Variants in IGSF9 observed in about 807,000 individuals in gnomAD.
IGSF9 encodes the protein immunoglobulin superfamily member 9, also known as protein turtle homolog A.
A neutral mutation model predicts 121.7 loss-of-function variants in IGSF9; 87 were observed. That is an observed-to-expected ratio of 0.71 (90% CI 0.60 to 0.85). IGSF9 has a LOEUF of 0.85. IGSF9 is among the 40% of genes least tolerant of loss of function. The pLI is 0.00. For missense variants in IGSF9, 1,462 were observed against 1,565.3 expected, an observed-to-expected ratio of 0.93 and a Z score of 1.11; for synonymous variants, 640 against 648.4, an observed-to-expected ratio of 0.99 and a Z score of 0.20.
rs1256172489 is a variant in IGSF9 at position 159,928,809 on chromosome 1, G to A, written c.2579C>T (p.Ala860Val). The A allele has an allele frequency of 3.3e-6, 5 of 1,498,166 alleles. No individual in the cohort carries two copies. Among genetic ancestry groups the A allele is most frequent in the Middle Eastern group, 3.5e-4 (2 of 5,654 alleles). The allele number at this position is 1,498,166 out of a possible 1,614,324, so 92.8% of individuals were successfully genotyped here. A position where few individuals can be genotyped will look rare whatever the true frequency, so the allele number is the denominator to read the frequency against. Residue 860 changes from alanine to valine, a missense_variant, in exon 19 of 21, where the codon GCG (alanine) becomes GTG (valine). This residue lies in a region of IGSF9 where 808 missense variants were observed against 815.2 expected (regional missense o/e 0.99). Transcript: ENST00000368094. ...DGRFVMGPTVAAPQERSGREQ... is the reference protein window; with the variant it reads ...DGRFVMGPTVVAPQERSGREQ... ...CCGGCCTGACCTTTCCTGGGGGGCC[G>A]CCACAGTGGGCCCCATCACAAAGCG...
At chr1:159,937,183 G>T (rs1290697887) in intron 4 of IGSF9, among the ~76,000 whole-genome samples, 2 of 152,208 alleles carry the variant, frequency 1.3e-5, no homozygotes, top group Non-Finnish European at 2.9e-5. Context: ...CACTGTTCTG[G>T]GAGTGAGGAG....
intron 6 of IGSF9, 107 bp downstream of exon 6, chr1:159,936,292 C>T (rs1651181474): frequency 1.0e-6 from 1 of 987,226 alleles, no homozygotes; most frequent in Non-Finnish European, 1.6e-6. Context: ...CGGGCCCTGC[C>T]CTCAGGCACA....
In IGSF9 at chr1:159,932,494, G is replaced by C; in HGVS notation, c.1245+18C>G. The C allele has an allele frequency of 7.3e-7, 1 of 1,366,832 alleles. No individual in the cohort carries two copies. The allele number at this position is 1,366,832 out of a possible 1,614,324, so 84.7% of individuals were successfully genotyped here. On this transcript the variant is annotated intron_variant, in intron 10 of 20. Coordinates refer to ENST00000368094, the MANE Select transcript of IGSF9 (RefSeq NM_001135050.2). The surrounding 1 kb of genome is among the most constrained non-coding windows in gnomAD (Gnocchi z 4.1). Reference sequence around the variant, plus strand: ...TGACCCACTGTCACCACAGGCCCCCGCCCACCCCCGGCCTAACCTTGAGCA... The same window carrying C: ...TGACCCACTGTCACCACAGGCCCCCCCCCACCCCCGGCCTAACCTTGAGCA...
In IGSF9 at chr1:159,928,777, C is replaced by A; in HGVS notation, c.2611G>T (p.Ala871Ser). 1 of 1,476,904 alleles carries A rather than the reference C, an allele frequency of 6.8e-7. No homozygotes were observed. The highest frequency in any genetic ancestry group is 1.4e-5 in the South Asian group (1 of 72,000). The allele number at this position is 1,476,904 out of a possible 1,614,324, so 91.5% of individuals were successfully genotyped here. A position where few individuals can be genotyped will look rare whatever the true frequency, so the allele number is the denominator to read the frequency against. ...APQERSGREQAEPRTPAQRLA... is the reference protein window; with the variant it reads ...APQERSGREQSEPRTPAQRLA... The stretch of plus-strand genomic sequence containing the variant: ...CGCTGGGCTGGAGTCCGAGGTTCTG[C>A]CTGCTCCCGGCCTGACCTTTCCTGG... The change falls in exon 19 of 21, where the codon GCA (alanine) becomes TCA (serine). Residue 871 changes from alanine to serine, a missense_variant. Physicochemically the swap from Ala to Ser is moderately conservative, Grantham distance 99 (BLOSUM62 1). Coordinates refer to ENST00000368094, the MANE Select transcript of IGSF9 (RefSeq NM_001135050.2).
At chr1:159,929,292 A>T (rs1650882731) in intron 18 of IGSF9, 59 bp downstream of exon 18, 2 of 1,572,214 alleles carry the variant, frequency 1.3e-6, no homozygotes, top group Non-Finnish European at 1.8e-6. Flanking sequence ...AAGGAAGCAG[A>T]AGATACTGGC....
chr1:159,929,270 A>G, intron 18 of IGSF9, 81 bp downstream of exon 18: 1 of 1,511,044 alleles, frequency 6.6e-7, no homozygotes, highest in Non-Finnish European at 9.2e-7. Context: ...TCCCCCTGGT[A>G]AAGATGCAAA....
In IGSF9 at chr1:159,931,845, T is replaced by C; in HGVS notation, c.1329A>G (p.Gln443=). ...GRELLIPCSA[Q]GDPPPVVSWT... ...AAGAGACAACAGGAGGAGGGTCCCC[T>C]TGGGCGGAGCAGGGGATGAGCAGCT... Residue 443 remains glutamine (Q), a synonymous_variant, in exon 11 of 21, where the codon CAA becomes CAG. Coordinates refer to ENST00000368094, the MANE Select transcript of IGSF9 (RefSeq NM_001135050.2). The surrounding 1 kb of genome is among the most constrained non-coding windows in gnomAD (Gnocchi z 4.8). The C allele has an allele frequency of 1.3e-6, 2 of 1,593,542 alleles. No homozygotes were observed. The highest frequency in any genetic ancestry group is 1.7e-6 in the Non-Finnish European group (2 of 1,172,246).
intron 2 of IGSF9, 80 bp from the exon 3 acceptor site, chr1:159,943,231 G>A: frequency 1.5e-6 from 2 of 1,367,066 alleles, no homozygotes; most frequent in Non-Finnish European, 9.9e-7. Flanking sequence ...TATCTCTGTA[G>A]GCACCTTAGG....
Position 159,932,207 on chromosome 1 carries a change from C to T in IGSF9, c.1246-279G>A. The T allele has an allele frequency of 1.7e-6, 1 of 573,464 alleles. No individual in the cohort carries two copies. Among genetic ancestry groups the T allele is most frequent in the East Asian group, 3.0e-5 (1 of 33,810 alleles). The allele number at this position is 573,464 out of a possible 1,614,324, so 35.5% of individuals were successfully genotyped here. A position where few individuals can be genotyped will look rare whatever the true frequency, so the allele number is the denominator to read the frequency against. ...ACTCTCAGAGATGTACAAACCTCTG[C>T]AGAACATTCTTCCTCCCAGAGCCCC... On this transcript the variant is annotated intron_variant, in intron 10 of 20. Coordinates refer to ENST00000368094, the MANE Select transcript of IGSF9 (RefSeq NM_001135050.2). The surrounding 1 kb of genome is among the most constrained non-coding windows in gnomAD (Gnocchi z 4.1).
In IGSF9 at chr1:159,936,740, C is replaced by G. The variant is rs747034208; in HGVS notation, c.555+14G>C. 1.2e-6 allele frequency: 2 copies of G among 1,613,574 alleles called. No homozygotes were observed. Among genetic ancestry groups the G allele is most frequent in the Non-Finnish European group, 1.7e-6 (2 of 1,179,746 alleles). On this transcript the variant is annotated intron_variant, in intron 5 of 20. Transcript: ENST00000368094. ...CACTCTATATGGCTCACTCTGTCCA[C>G]CCCCAGGACTCACTTGCACCTGGCC...
At position 159,931,348 on chromosome 1, in the gene IGSF9, C is replaced by T. The variant is rs976438312; in HGVS notation, c.1514-87G>A. The T allele has an allele frequency of 2.1e-5, 34 of 1,599,444 alleles. No homozygotes were observed. Among genetic ancestry groups the T allele is most frequent in the Non-Finnish European group, 2.7e-5 (32 of 1,170,600 alleles). ...GGCCCCAGGGCCACTGACCTTCACC[C>T]ATCATCATCCCAGGGGTCCCACACC... On this transcript the variant is annotated intron_variant, in intron 12 of 20. Coordinates refer to ENST00000368094, the MANE Select transcript of IGSF9 (RefSeq NM_001135050.2). This position sits in a 1 kb window ranked among gnomAD's most constrained non-coding sequence, Gnocchi z 4.8.
rs142685021 is a variant in IGSF9 at position 159,937,633 on chromosome 1, C to A, written c.400+53G>T. ...CCCCTTTCTCCCACCAGCCAGAGAT[C>A]CCCATCCTCCTCCTCCCCGTCCTTC... On this transcript the variant is annotated intron_variant, in intron 4 of 20. Coordinates refer to ENST00000368094, the MANE Select transcript of IGSF9 (RefSeq NM_001135050.2). 2.1e-5 allele frequency: 33 copies of A among 1,582,364 alleles called. No individual in the cohort carries two copies. In the African/African-American group the frequency reaches 4.2e-4, roughly 20 times the overall value.
chr1:159,927,851 G>A lies in IGSF9; in HGVS notation c.3267C>T (p.Asp1089=). The A allele has an allele frequency of 6.2e-7, 1 of 1,612,806 alleles. No homozygotes were observed. The highest frequency in any genetic ancestry group is 8.5e-7 in the Non-Finnish European group (1 of 1,179,722). The change falls in exon 20 of 21, where the codon GAC becomes GAT. Residue 1089 remains aspartate, a synonymous_variant. Coordinates refer to ENST00000368094, the MANE Select transcript of IGSF9 (RefSeq NM_001135050.2). ...NTSVDENYEW[D]SEFPGDMELL... ...ATTCCATGTCCCCAGGGAATTCTGA[G>A]TCCCACTCATAGTTCTCGTCCACAG...
chr1:159,930,828 G>A lies in IGSF9; in HGVS notation c.1677C>T (p.Ser559=), dbSNP rs765797057. 1.9e-6 allele frequency: 3 copies of A among 1,613,104 alleles called. No individual in the cohort carries two copies. The highest frequency in any genetic ancestry group is 1.1e-5 in the South Asian group (1 of 90,990). ...RPDRMHHDWV[S]LAVPVGAAHL... ...GAGCAGCCCCCACAGGCACTGCCAA[G>A]GACACCCAGTCATGGTGCATTCGGT... is the stretch of plus-strand genomic sequence containing the variant. Residue 559 remains serine, a synonymous_variant, in exon 14 of 21, where the codon TCC becomes TCT. Coordinates refer to ENST00000368094, the MANE Select transcript of IGSF9 (RefSeq NM_001135050.2).
At position 159,931,938 on chromosome 1, in the gene IGSF9, A is replaced by C. The variant is rs766707428; in HGVS notation, c.1246-10T>G. ...TAAAAGCTGGGGGAGCCTGCAAGCCAGATCTGGCATTGGGAGGGGCCCTCT... is the reference window on the plus strand; with the variant it reads ...TAAAAGCTGGGGGAGCCTGCAAGCCCGATCTGGCATTGGGAGGGGCCCTCT... On this transcript the variant is annotated splice_polypyrimidine_tract_variant and intron_variant, in intron 10 of 20. Transcript: ENST00000368094. This position sits in a 1 kb window ranked among gnomAD's most constrained non-coding sequence, Gnocchi z 4.8. The C allele has an allele frequency of 2.2e-5, 35 of 1,560,188 alleles. No individual in the cohort carries two copies. Among genetic ancestry groups the C allele is most frequent in the Non-Finnish European group, 2.8e-5 (32 of 1,149,584 alleles).
At chr1:159,929,507 C>T (rs952145142) in intron 17 of IGSF9, 114 bp from the exon 18 acceptor site, 15 of 1,497,020 alleles carry the variant, frequency 1.0e-5, no homozygotes, top group Non-Finnish European at 1.3e-5. Context: ...AAAGCGTAGG[C>T]AGGACCAGAT....
At chr1:159,941,415 G>A (rs1041956506) in intron 3 of IGSF9, among the ~76,000 whole-genome samples, 3 of 152,218 alleles carry the variant, frequency 2.0e-5, no homozygotes, top group Non-Finnish European at 4.4e-5. Context: ...TCCCTCAGCC[G>A]GCTCTGGCCT....
Position 159,931,939 on chromosome 1 carries a change from G to A in IGSF9, c.1246-11C>T, listed in dbSNP as rs751880997. Reference sequence around the variant, plus strand: ...AAAAGCTGGGGGAGCCTGCAAGCCAGATCTGGCATTGGGAGGGGCCCTCTC... The same window carrying A: ...AAAAGCTGGGGGAGCCTGCAAGCCAAATCTGGCATTGGGAGGGGCCCTCTC... On this transcript the variant is annotated splice_polypyrimidine_tract_variant and intron_variant, in intron 10 of 20. Coordinates refer to ENST00000368094, the MANE Select transcript of IGSF9 (RefSeq NM_001135050.2). This position sits in a 1 kb window ranked among gnomAD's most constrained non-coding sequence, Gnocchi z 4.8. 1.3e-6 allele frequency: 2 copies of A among 1,555,194 alleles called. No homozygotes were observed. Among genetic ancestry groups the A allele is most frequent in the East Asian group, 2.3e-5 (1 of 44,324 alleles).
intron 5 of IGSF9, 33 bp from the exon 6 acceptor site, chr1:159,936,549 C>A (rs373249771): frequency 6.3e-6 from 10 of 1,597,838 alleles, no homozygotes; most frequent in East Asian, 2.2e-5. Context: ...AGAGTCCTTT[C>A]CCCTGCCAGC....
Sources: allele counts gnomAD v4.1 joint callset (sites outside exome capture counted in the v4.1 genomes callset), GRCh38; gene constraint gnomAD v4.1.1; regional missense constraint gnomAD v4.1.1; non-coding constraint Gnocchi (gnomAD v3.1); transcripts MANE v1.5; gene names NCBI Gene and HGNC (gene_info 2026-07-23, HGNC 2026-07-21).